Variants in KALRN observed in about 807,000 individuals in gnomAD.
KALRN encodes the protein kalirin.
In KALRN, 70 loss-of-function variants were observed where a neutral mutation model predicts 353.7. That is an observed-to-expected ratio of 0.20 (90% CI 0.16 to 0.24). The LOEUF is 0.24. KALRN is among the 10% of genes least tolerant of loss of function. The pLI is 1.00. For synonymous variants in KALRN, 1,391 were observed against 1,434.8 expected, an observed-to-expected ratio of 0.97 and a Z score of 0.69; for missense variants, 2,791 against 3,756.7, an observed-to-expected ratio of 0.74 and a Z score of 6.72.
chr3:124,144,461 C>T (rs2067028678), intron 1 of KALRN, among the ~76,000 whole-genome samples: 1 of 152,012 alleles, frequency 6.6e-6, no homozygotes, highest in African/African-American at 2.4e-5. Flanking sequence ...GTATGCACAC[C>T]ACTTCCTTGT....
chr3:124,251,546 T>C (rs1008866146), intron 3 of KALRN, among the ~76,000 whole-genome samples: 5 of 152,002 alleles, frequency 3.3e-5, no homozygotes, highest in South Asian at 2.1e-4. Flanking sequence ...CTTTTGGTAT[T>C]TTTTTGTAGA....
At chr3:124,053,416 T>A (rs1158809535) in intron 1 of KALRN, among the ~76,000 whole-genome samples, 1 of 152,144 alleles carries the variant, frequency 6.6e-6, no homozygotes, top group Admixed American at 6.5e-5. Flanking sequence ...GATGTTGGGA[T>A]TGAAGGAGAG....
chr3:124,522,746 T>C (rs1271129291), intron 33 of KALRN, among the ~76,000 whole-genome samples: 2 of 152,198 alleles, frequency 1.3e-5, no homozygotes, highest in African/African-American at 4.8e-5. Context: ...AACCACTAAA[T>C]TAAGCTGTTA....
chr3:124,258,006 G>C (rs1430325442), intron 3 of KALRN, among the ~76,000 whole-genome samples: 2 of 152,172 alleles, frequency 1.3e-5, no homozygotes, highest in Non-Finnish European at 2.9e-5. Context: ...CAGGCTACCT[G>C]TTAGTTATGT....
intron 1 of KALRN, among the ~76,000 whole-genome samples, chr3:124,047,623 G>C (rs2040611181): frequency 6.7e-6 from 1 of 149,834 alleles, no homozygotes; most frequent in Non-Finnish European, 1.5e-5. Flanking sequence ...CTCCCAAGTA[G>C]CTGCAACTAC....
At chr3:124,616,340 C>G (rs2149615100) in intron 34 of KALRN, among the ~76,000 whole-genome samples, 1 of 152,286 alleles carries the variant, frequency 6.6e-6, no homozygotes. Flanking sequence ...GCCAGGCTTC[C>G]CACTGGCTTC....
At chr3:124,215,050 C>A (rs2077201736) in intron 1 of KALRN, among the ~76,000 whole-genome samples, 4 of 152,116 alleles carry the variant, frequency 2.6e-5, no homozygotes. Context: ...CTCATAAGGG[C>A]AGGGGGAAGA....
chr3:124,343,952 C>T (rs941154985), intron 9 of KALRN, among the ~76,000 whole-genome samples: 1 of 152,108 alleles, frequency 6.6e-6, no homozygotes, highest in Non-Finnish European at 1.5e-5. Context: ...ACTTATATAC[C>T]CACACATGCT....
rs1438401232 is a variant in KALRN at position 124,724,615 on chromosome 3, T to C, written c.*5145T>C. 1 of 152,222 alleles carries C rather than the reference T, an allele frequency of 6.6e-6. No homozygotes were observed. Among genetic ancestry groups the C allele is most frequent in the Non-Finnish European group, 1.5e-5 (1 of 68,044 alleles). 9.4% of individuals were successfully genotyped at this position (152,222 alleles called of 1,614,324 possible). ...AAAAATATTAAGGCTCTCAGTTGTTTCATTAATTCTAAAGGGTTAAAAAGG... is the reference window on the plus strand; with the variant it reads ...AAAAATATTAAGGCTCTCAGTTGTTCCATTAATTCTAAAGGGTTAAAAAGG... On this transcript the variant is annotated 3_prime_UTR_variant, in exon 60 of 60. Transcript: ENST00000682506.
At chr3:124,094,563 T>C in intron 1 of KALRN, 1 of 505,298 alleles carries the variant, frequency 2.0e-6, no homozygotes, top group Non-Finnish European at 3.6e-6. Context: ...CCTTCCTGAC[T>C]CCCTCCCACG....
intron 13 of KALRN, among the ~76,000 whole-genome samples, chr3:124,402,380 A>G (rs2090987377): frequency 6.6e-6 from 1 of 152,238 alleles, no homozygotes; most frequent in African/African-American, 2.4e-5. Flanking sequence ...GTGGAACATG[A>G]TGTTCTATAA....
intron 4 of KALRN, among the ~76,000 whole-genome samples, chr3:124,265,102 A>G (rs902911347): frequency 2.6e-5 from 4 of 152,124 alleles, no homozygotes; most frequent in Admixed American, 1.3e-4. Context: ...CGATCAAATC[A>G]GAGTAAATGG....
At chr3:124,114,528 G>C (rs1261558723) in intron 1 of KALRN, among the ~76,000 whole-genome samples, 1 of 152,198 alleles carries the variant, frequency 6.6e-6, no homozygotes, top group African/African-American at 2.4e-5. Flanking sequence ...CGGGAACTCA[G>C]GCTACTTGGC....
At chr3:124,466,780 C>T (rs1577165042) in intron 25 of KALRN, among the ~76,000 whole-genome samples, 1 of 152,096 alleles carries the variant, frequency 6.6e-6, no homozygotes, top group African/African-American at 2.4e-5. Context: ...GATTCCAGGG[C>T]TTGGTCTCCC....
intron 33 of KALRN, among the ~76,000 whole-genome samples, chr3:124,521,917 T>A (rs1022639822): frequency 5.9e-5 from 9 of 152,132 alleles, no homozygotes; most frequent in African/African-American, 2.2e-4. Flanking sequence ...CAGGCACAGT[T>A]CTTGGAGCTA....
At chr3:124,306,837 G>A (rs961775696) in intron 6 of KALRN, among the ~76,000 whole-genome samples, 7 of 152,080 alleles carry the variant, frequency 4.6e-5, no homozygotes, top group African/African-American at 1.4e-4. Flanking sequence ...AAGGAAGTAG[G>A]ACAACATATT....
At chr3:124,131,741 C>T (rs1276698797) in intron 1 of KALRN, among the ~76,000 whole-genome samples, 1 of 152,170 alleles carries the variant, frequency 6.6e-6, no homozygotes, top group Admixed American at 6.5e-5. Context: ...GTCAGCATCA[C>T]ATGCTTAGAA....
At chr3:124,371,596 C>G (rs895317729) in intron 10 of KALRN, among the ~76,000 whole-genome samples, 3 of 152,002 alleles carry the variant, frequency 2.0e-5, no homozygotes, top group Non-Finnish European at 4.4e-5. Flanking sequence ...GAAACATTTG[C>G]AAAACAAATG....
intron 2 of KALRN, among the ~76,000 whole-genome samples, chr3:124,233,139 T>C (rs1350737180): frequency 6.6e-6 from 1 of 152,046 alleles, no homozygotes; most frequent in African/African-American, 2.4e-5. Flanking sequence ...GGAGCTGTGG[T>C]TCCTTGTGGT....
Sources: allele counts gnomAD v4.1 joint callset (sites outside exome capture counted in the v4.1 genomes callset), GRCh38; gene constraint gnomAD v4.1.1; transcripts MANE v1.5; gene names NCBI Gene and HGNC (gene_info 2026-07-23, HGNC 2026-07-21).